Variants in ANKRD30B observed in about 807,000 individuals in gnomAD.
ANKRD30B encodes ankyrin repeat domain-containing protein 30B.
In ANKRD30B, 144 loss-of-function variants were observed where a neutral mutation model predicts 202.2. The observed-to-expected ratio is 0.71, with a 90% CI of 0.62 to 0.82. The LOEUF (loss-of-function observed/expected upper bound fraction) is 0.82. Among genes scored for constraint, ANKRD30B ranks in the 40% least tolerant of loss-of-function variants. The pLI is 0.00. For synonymous variants in ANKRD30B, 508 were observed against 561.3 expected, an observed-to-expected ratio of 0.91 and a Z score of 1.34; for missense variants, 1,487 against 1,669.1, an observed-to-expected ratio of 0.89 and a Z score of 1.90.
At chr18:14,848,131 C>T (rs149241523) in intron 39 of ANKRD30B, among the ~76,000 whole-genome samples, 105 of 152,170 alleles carry the variant, frequency 6.9e-4, no homozygotes, top group Middle Eastern at 3.4e-3. Context: ...GAAGCTGAAA[C>T]ATTCATAAGG....
At chr18:14,882,478 C>T in the ANKRD30B span, among the ~76,000 whole-genome samples, 1 of 152,182 alleles carries the variant, frequency 6.6e-6, no homozygotes, top group African/African-American at 2.4e-5. Context: ...GTGCGTGATA[C>T]AATTTCAATT....
the ANKRD30B span, among the ~76,000 whole-genome samples, chr18:14,901,720 A>AC: frequency 6.6e-6 from 1 of 152,238 alleles, no homozygotes; most frequent in East Asian, 1.9e-4. Flanking sequence ...ATATATTATT[A>AC]GCATAACTTC....
At chr18:14,860,853 C>T in the ANKRD30B span, among the ~76,000 whole-genome samples, 10 of 151,884 alleles carry the variant, frequency 6.6e-5, no homozygotes, top group Admixed American at 1.3e-4. Context: ...TGCAGGTGTG[C>T]ACCACCACAC....
chr18:14,880,083 T>G, the ANKRD30B span, among the ~76,000 whole-genome samples: 1 of 152,038 alleles, frequency 6.6e-6, no homozygotes, highest in Non-Finnish European at 1.5e-5. Context: ...GAATCCAGTT[T>G]TATTCCCCTA....
chr18:14,758,905 T>A (rs1410104934), intron 5 of ANKRD30B, among the ~76,000 whole-genome samples: 5 of 152,194 alleles, frequency 3.3e-5, no homozygotes, highest in African/African-American at 9.6e-5. Context: ...ATTTTATAGG[T>A]AGTGGAAGGT....
chr18:14,878,128 C>G, the ANKRD30B span, among the ~76,000 whole-genome samples: 88 of 152,212 alleles, frequency 5.8e-4, no homozygotes, highest in East Asian at 0.015. Context: ...TCATCTTGAC[C>G]GAGATGCTCG....
At chr18:14,930,305 T>C in the ANKRD30B span, among the ~76,000 whole-genome samples, 1 of 143,306 alleles carries the variant, frequency 7.0e-6, no homozygotes. Context: ...ATACACTAAA[T>C]GGTCTCAGAA....
the ANKRD30B span, among the ~76,000 whole-genome samples, chr18:14,906,288 T>C: frequency 6.6e-6 from 1 of 152,162 alleles, no homozygotes; most frequent in Non-Finnish European, 1.5e-5. Context: ...CCTGTCACTT[T>C]CTCTTGTGTT....
chr18:14,875,421 A>G, the ANKRD30B span, among the ~76,000 whole-genome samples: 1 of 152,182 alleles, frequency 6.6e-6, no homozygotes, highest in African/African-American at 2.4e-5. Flanking sequence ...GTGCCAGGCC[A>G]TGTTCAGAAA....
chr18:14,780,145 A>G, intron 11 of ANKRD30B, 124 bp downstream of exon 11: 1 of 744,594 alleles, frequency 1.3e-6, no homozygotes, highest in Non-Finnish European at 2.2e-6. Flanking sequence ...AAATTCTGAT[A>G]TTTCTAAAAA....
intron 16 of ANKRD30B, among the ~76,000 whole-genome samples, chr18:14,794,178 A>T (rs1459848554): frequency 6.6e-6 from 1 of 151,960 alleles, no homozygotes; most frequent in Non-Finnish European, 1.5e-5. Context: ...ACCCCTTTAT[A>T]AAAAAAAGTA....
intron 1 of ANKRD30B, among the ~76,000 whole-genome samples, chr18:14,748,918 C>G (rs1390266337): frequency 2.6e-5 from 4 of 152,218 alleles, no homozygotes; most frequent in Non-Finnish European, 4.4e-5. Context: ...CTTCCCCTCA[C>G]AAAGCACTCT....
chr18:14,818,019 A>C (rs1185119261), intron 30 of ANKRD30B, among the ~76,000 whole-genome samples: 1 of 152,134 alleles, frequency 6.6e-6, no homozygotes, highest in Non-Finnish European at 1.5e-5. Context: ...TATATACTTG[A>C]TATGTCTAAA....
the ANKRD30B span, among the ~76,000 whole-genome samples, chr18:14,923,336 T>C: frequency 1.3e-5 from 2 of 152,186 alleles, no homozygotes; most frequent in Admixed American, 1.3e-4. Flanking sequence ...GAAGGGCCCT[T>C]GGGTTCTAAG....
At chr18:14,821,789 T>G (rs1970436667) in intron 30 of ANKRD30B, among the ~76,000 whole-genome samples, 1 of 152,328 alleles carries the variant, frequency 6.6e-6, no homozygotes, top group African/African-American at 2.4e-5. Flanking sequence ...ATGCTTTGAC[T>G]TTTCTGTATA....
chr18:14,887,063 A>G, the ANKRD30B span, among the ~76,000 whole-genome samples: 4 of 152,136 alleles, frequency 2.6e-5, no homozygotes, highest in Non-Finnish European at 5.9e-5. Context: ...CTTGAATGAC[A>G]AATATTTTGA....
intron 16 of ANKRD30B, among the ~76,000 whole-genome samples, chr18:14,794,079 C>T (rs1395110494): frequency 6.6e-6 from 1 of 152,050 alleles, no homozygotes; most frequent in Non-Finnish European, 1.5e-5. Context: ...GATGCACAGC[C>T]ATACATTTCA....
rs1316072186 is a variant in ANKRD30B, at chr18:14,818,673, C to A, written c.2642-3810C>A. Among the ~76,000 whole-genome samples the A allele has an allele frequency of 1.2e-4, 18 of 151,964 alleles. No individual in the cohort carries two copies. In the East Asian group the frequency reaches 3.5e-3, roughly 29 times the overall value. On this transcript the variant is annotated intron_variant, in intron 30 of 43. Transcript: ENST00000690538. The stretch of plus-strand genomic sequence containing the variant: ...GATGATTTCCAGTTTCATCCATGTC[C>A]CTACAAAGGACATGAACTCATCATT...
At chr18:14,914,122 T>C in the ANKRD30B span, among the ~76,000 whole-genome samples, 1 of 152,314 alleles carries the variant, frequency 6.6e-6, no homozygotes, top group South Asian at 2.1e-4. Context: ...AGAATGTCCA[T>C]GATGCTGATA....
Sources: allele counts gnomAD v4.1 joint callset (sites outside exome capture counted in the v4.1 genomes callset), GRCh38; gene constraint gnomAD v4.1.1; transcripts MANE v1.5; gene names NCBI Gene and HGNC (gene_info 2026-07-23, HGNC 2026-07-21).